SLC30A8: variants seen among roughly 807,000 people sequenced by gnomAD.
The protein encoded by SLC30A8 is proton-coupled zinc antiporter SLC30A8.
A neutral mutation model predicts 36.9 loss-of-function variants in SLC30A8; 27 were observed. The observed-to-expected ratio is 0.73, with a 90% CI of 0.54 to 1.01. The LOEUF (loss-of-function observed/expected upper bound fraction) is 1.01, where lower values mean the gene tolerates loss of function less well. SLC30A8 is among the 50% of genes least tolerant of loss of function. The pLI is 0.00. For missense variants in SLC30A8, 439 were observed against 452.0 expected (o/e 0.97, Z 0.26); for synonymous variants, 164 against 172.4 (o/e 0.95, Z 0.38).
chr8:117,150,638 T>C (rs1274263165), intron 2 of SLC30A8, among the ~76,000 whole-genome samples: 3 of 152,226 alleles, frequency 2.0e-5, no homozygotes, highest in Middle Eastern at 3.4e-3. Flanking sequence ...CGGGGTCTCG[T>C]TCTGTCACCC....
At chr8:117,026,709 C>T (rs957023730) in intron 1 of SLC30A8, among the ~76,000 whole-genome samples, 2 of 152,160 alleles carry the variant, frequency 1.3e-5, no homozygotes, top group African/African-American at 4.8e-5. Context: ...ATCTGCAGAA[C>T]AGGGGAGGAA....
intron 1 of SLC30A8, among the ~76,000 whole-genome samples, chr8:116,988,570 C>G (rs1415636464): frequency 1.3e-5 from 2 of 152,176 alleles, no homozygotes; most frequent in Non-Finnish European, 2.9e-5. Flanking sequence ...TAGAAGCCTC[C>G]TGGAATTTTT....
intron 2 of SLC30A8, among the ~76,000 whole-genome samples, chr8:117,049,297 T>A (rs961153685): frequency 3.3e-5 from 5 of 152,232 alleles, no homozygotes; most frequent in Non-Finnish European, 1.5e-5. Context: ...TGGCAACTTA[T>A]ATAATTCTCC....
intron 2 of SLC30A8, among the ~76,000 whole-genome samples, chr8:117,072,764 A>C (rs186443990): frequency 1.9e-4 from 29 of 152,174 alleles, no homozygotes; most frequent in Non-Finnish European, 3.5e-4. Context: ...CCAACTGAGA[A>C]CATCTTCATA....
At chr8:117,123,828 A>G (rs1418545857) in intron 2 of SLC30A8, among the ~76,000 whole-genome samples, 1 of 152,028 alleles carries the variant, frequency 6.6e-6, no homozygotes, top group Non-Finnish European at 1.5e-5. Flanking sequence ...CAATTCATTT[A>G]TAAATGGCTG....
At chr8:117,111,342 C>G (rs1197722954) in intron 2 of SLC30A8, among the ~76,000 whole-genome samples, 1 of 152,120 alleles carries the variant, frequency 6.6e-6, no homozygotes, top group Non-Finnish European at 1.5e-5. Context: ...ACCTAGTTAT[C>G]AGAATTCAAA....
intron 1 of SLC30A8, among the ~76,000 whole-genome samples, chr8:116,982,355 A>C (rs1482959628): frequency 6.6e-6 from 1 of 151,998 alleles, no homozygotes; most frequent in African/African-American, 2.4e-5. Context: ...ATTCTTGGAG[A>C]CTGCAACTTT....
At chr8:117,166,922 A>C (rs1357722961) in intron 6 of SLC30A8, among the ~76,000 whole-genome samples, 6 of 151,916 alleles carry the variant, frequency 3.9e-5, no homozygotes, top group Non-Finnish European at 5.9e-5. Flanking sequence ...AATTGTTGAA[A>C]GATAATAGTG....
chr8:117,012,463 CATT>C (rs2130706968), intron 1 of SLC30A8, among the ~76,000 whole-genome samples: 1 of 151,856 alleles, frequency 6.6e-6, no homozygotes, highest in South Asian at 2.1e-4. Context: ...TTTGTCATGT[CATT>C]ATTACCCATA....
chr8:116,962,947 C>T (rs1814477363), intron 1 of SLC30A8, among the ~76,000 whole-genome samples: 1 of 151,850 alleles, frequency 6.6e-6, no homozygotes, highest in South Asian at 2.1e-4. Flanking sequence ...AGTTGCAGGC[C>T]TCAAGGAACC....
intron 6 of SLC30A8, among the ~76,000 whole-genome samples, chr8:117,169,904 A>G (rs1823285077): frequency 6.6e-6 from 1 of 152,170 alleles, no homozygotes; most frequent in African/African-American, 2.4e-5. Flanking sequence ...TTACAATTCA[A>G]CATGAGACAC....
chr8:117,142,445 T>C (rs1821697506), intron 1 of SLC30A8, among the ~76,000 whole-genome samples: 1 of 152,166 alleles, frequency 6.6e-6, no homozygotes, highest in Non-Finnish European at 1.5e-5. Context: ...AATTTTTCCT[T>C]TTAGACCTTG....
intron 2 of SLC30A8, among the ~76,000 whole-genome samples, chr8:117,042,889 C>T (rs75039757): frequency 0.26 from 39,349 of 151,976 alleles, 5,371 homozygotes; most frequent in African/African-American, 0.35. Flanking sequence ...TTGGGCAGGC[C>T]GGTCTCGAAC....
intron 1 of SLC30A8, among the ~76,000 whole-genome samples, chr8:117,023,678 T>A (rs1320949314): frequency 1.2e-4 from 16 of 130,930 alleles, no homozygotes; most frequent in Admixed American, 8.4e-4. Flanking sequence ...CAATGAGAAC[T>A]CATGGACACA....
At chr8:117,094,323 AGAG>A (rs775865268) in intron 2 of SLC30A8, among the ~76,000 whole-genome samples, 4 of 152,288 alleles carry the variant, frequency 2.6e-5, no homozygotes, top group South Asian at 2.1e-4. Context: ...AGCAAGGTGA[AGAG>A]GAGTTTTATT....
Position 117,153,072 on chromosome 8 carries a change from T to A in SLC30A8, c.400T>A (p.Phe134Ile), listed in dbSNP as rs758315809. ...SSKPPSKRLT[F>I]GWHRAEILGA... Reference sequence around the variant, plus strand: ...GAAGCCTCCCTCTAAGCGGCTGACATTTGGATGGCACCGAGCAGGTACGGT... The same window carrying A: ...GAAGCCTCCCTCTAAGCGGCTGACAATTGGATGGCACCGAGCAGGTACGGT... The change falls in exon 3 of 8, where the codon TTT becomes ATT. Residue 134 changes from phenylalanine (F) to isoleucine (I), a missense_variant. Phe to Ile is a conservative substitution (Grantham distance 21). Coordinates refer to ENST00000456015, the MANE Select transcript of SLC30A8 (RefSeq NM_173851.3). 4 of 1,611,456 alleles carry A rather than the reference T, an allele frequency of 2.5e-6. No individual in the cohort carries two copies. The South Asian group carries it at 4.4e-5, about 18-fold the overall frequency.
At chr8:117,062,262 A>G (rs781355729) in intron 2 of SLC30A8, among the ~76,000 whole-genome samples, 3 of 152,162 alleles carry the variant, frequency 2.0e-5, no homozygotes, top group African/African-American at 4.8e-5. Flanking sequence ...TTGTATTACT[A>G]TAGAGAAATG....
chr8:117,003,276 G>A (rs549087571), intron 1 of SLC30A8, among the ~76,000 whole-genome samples: 34 of 152,262 alleles, frequency 2.2e-4, no homozygotes, highest in African/African-American at 6.7e-4. Context: ...TTGTCAACAC[G>A]TATGTAATAA....
At chr8:117,025,019 A>G (rs1343709546) in intron 1 of SLC30A8, among the ~76,000 whole-genome samples, 1 of 152,192 alleles carries the variant, frequency 6.6e-6, no homozygotes, top group East Asian at 1.9e-4. Context: ...ATAGGAGGAT[A>G]AGATTTGTAT....
Sources: gnomAD v4.1 joint callset for allele counts (sites outside exome capture counted in the v4.1 genomes callset) on GRCh38, gnomAD v4.1.1 for gene constraint, MANE v1.5 for transcripts, NCBI Gene and HGNC (gene_info 2026-07-23, HGNC 2026-07-21) for gene names.